Variants in NAV2 observed in about 807,000 individuals in gnomAD.
NAV2 encodes neuron navigator 2.
NAV2 carries 54 observed loss-of-function variants against 223.2 expected under a neutral mutation model. The ratio of observed to expected loss-of-function variants is 0.24; its 90% CI spans 0.19 to 0.30. NAV2 has a LOEUF of 0.30. Among genes scored for constraint, NAV2 ranks in the 10% least tolerant of loss-of-function variants. NAV2 has a pLI of 1.00. For missense variants in NAV2, 2,806 were observed against 3,147.5 expected (o/e 0.89, Z 2.60); for synonymous variants, 1,279 against 1,239.3 (o/e 1.03, Z -0.67).
chr11:19,593,893 G>T (rs756869644), intron 1 of NAV2, among the ~76,000 whole-genome samples: 3 of 152,050 alleles, frequency 2.0e-5, no homozygotes, highest in Non-Finnish European at 2.9e-5. Flanking sequence ...TGGATTGTTT[G>T]TTTTTTAATG....
chr11:19,981,045 T>G (rs780684748), intron 10 of NAV2, among the ~76,000 whole-genome samples: 66 of 152,204 alleles, frequency 4.3e-4, no homozygotes, highest in Non-Finnish European at 7.6e-4. Flanking sequence ...CTGCCCTCCC[T>G]CTACATGCGC....
chr11:19,655,081 G>A (rs1393699826), intron 1 of NAV2, among the ~76,000 whole-genome samples: 1 of 152,178 alleles, frequency 6.6e-6, no homozygotes, highest in African/African-American at 2.4e-5. Context: ...AGTGGGTGAA[G>A]GATATGAACA....
At chr11:19,484,655 A>G (rs1351110547) in intron 1 of NAV2, among the ~76,000 whole-genome samples, 4 of 152,156 alleles carry the variant, frequency 2.6e-5, no homozygotes, top group African/African-American at 9.7e-5. Flanking sequence ...GGCTTTGTCC[A>G]TCTTGACCCA....
intron 11 of NAV2, among the ~76,000 whole-genome samples, chr11:20,007,734 T>A (rs966397475): frequency 6.6e-6 from 1 of 152,152 alleles, no homozygotes; most frequent in African/African-American, 2.4e-5. Flanking sequence ...TGTGAGCTCA[T>A]TGATCAGCAG....
At chr11:19,373,596 C>T (rs1848542993) in intron 1 of NAV2, among the ~76,000 whole-genome samples, 1 of 152,218 alleles carries the variant, frequency 6.6e-6, no homozygotes. Flanking sequence ...ACCCCATCTT[C>T]CACTCTGTAG....
At chr11:19,925,352 A>C (rs80296317) in intron 6 of NAV2, among the ~76,000 whole-genome samples, 1 of 152,198 alleles carries the variant, frequency 6.6e-6, no homozygotes, top group Non-Finnish European at 1.5e-5. Context: ...GACAAATCCA[A>C]AGTCATGAGG....
At chr11:19,723,757 G>A (rs917481699) in intron 1 of NAV2, among the ~76,000 whole-genome samples, 5 of 152,246 alleles carry the variant, frequency 3.3e-5, no homozygotes, top group Non-Finnish European at 5.9e-5. Context: ...CGGCCCAGCA[G>A]GGTCCATGTG....
In NAV2 at chr11:19,998,972, C is replaced by T. The variant is rs753129880; in HGVS notation, c.2768+14725C>T. Among the ~76,000 whole-genome samples the T allele has an allele frequency of 2.6e-5, 4 of 152,246 alleles. No homozygotes were observed. Among genetic ancestry groups the T allele is most frequent in the Non-Finnish European group, 5.9e-5 (4 of 68,048 alleles). On this transcript the variant is annotated intron_variant, in intron 11 of 37. Transcript: ENST00000349880. The surrounding 1 kb of genome is among the most constrained non-coding windows in gnomAD (Gnocchi z 5.0). ...TCAGCTCCGTTTGCAGGTGAATCCCCTCTCCCAGCACAGGGCCCGTCCAGA... is the reference window on the plus strand; with the variant it reads ...TCAGCTCCGTTTGCAGGTGAATCCCTTCTCCCAGCACAGGGCCCGTCCAGA...
chr11:19,629,646 C>T (rs1212706725), intron 1 of NAV2, among the ~76,000 whole-genome samples: 1 of 151,834 alleles, frequency 6.6e-6, no homozygotes, highest in Non-Finnish European at 1.5e-5. Context: ...TGGACAGTTG[C>T]TGGAAACCAA....
At chr11:19,630,132 A>G (rs1359291712) in intron 1 of NAV2, among the ~76,000 whole-genome samples, 1 of 152,176 alleles carries the variant, frequency 6.6e-6, no homozygotes, top group Non-Finnish European at 1.5e-5. Context: ...TAGTATACCC[A>G]GTATACACAG....
intron 36 of NAV2, among the ~76,000 whole-genome samples, chr11:20,113,635 A>G (rs1018380479): frequency 3.3e-5 from 5 of 152,182 alleles, no homozygotes; most frequent in Non-Finnish European, 7.3e-5. Flanking sequence ...CTCTGTTAGC[A>G]ATTTGCTGTT....
At chr11:19,442,122 C>G (rs1159743630) in intron 1 of NAV2, among the ~76,000 whole-genome samples, 1 of 152,234 alleles carries the variant, frequency 6.6e-6, no homozygotes, top group African/African-American at 2.4e-5. Context: ...GAAACAGGGA[C>G]TGCTGTGGCG....
At chr11:20,041,019 C>A (rs1771787142) in intron 12 of NAV2, among the ~76,000 whole-genome samples, 1 of 152,114 alleles carries the variant, frequency 6.6e-6, no homozygotes, top group Non-Finnish European at 1.5e-5. Flanking sequence ...GCCACATTCC[C>A]AGGCCAGGGG....
chr11:19,790,659 G>A (rs994610898), intron 1 of NAV2, among the ~76,000 whole-genome samples: 2 of 152,142 alleles, frequency 1.3e-5, no homozygotes, highest in Non-Finnish European at 2.9e-5. Context: ...CAGAATTGTT[G>A]AATAGATTAG....
At chr11:19,365,038 C>T (rs112001042) in intron 1 of NAV2, among the ~76,000 whole-genome samples, 25 of 152,240 alleles carry the variant, frequency 1.6e-4, no homozygotes, top group African/African-American at 4.8e-4. Flanking sequence ...AAAGAATGAG[C>T]GACAAATGAT....
At chr11:19,699,675 G>T (rs575110385) in intron 1 of NAV2, among the ~76,000 whole-genome samples, 2 of 152,132 alleles carry the variant, frequency 1.3e-5, no homozygotes, top group South Asian at 4.1e-4. Context: ...TTGAATAGAC[G>T]ACTTTGAGAT....
At chr11:19,986,569 G>A (rs1017123801) in intron 11 of NAV2, among the ~76,000 whole-genome samples, 3 of 152,138 alleles carry the variant, frequency 2.0e-5, no homozygotes, top group African/African-American at 4.8e-5. Context: ...GCAATGAGCC[G>A]AGATTGTGCC....
intron 1 of NAV2, among the ~76,000 whole-genome samples, chr11:19,472,497 T>C (rs1026628504): frequency 6.6e-6 from 1 of 152,202 alleles, no homozygotes; most frequent in Non-Finnish European, 1.5e-5. Flanking sequence ...GTAATAATGC[T>C]GTTATTATTG....
intron 1 of NAV2, among the ~76,000 whole-genome samples, chr11:19,763,148 G>T (rs1032005744): frequency 6.6e-6 from 1 of 152,210 alleles, no homozygotes; most frequent in Admixed American, 6.5e-5. Context: ...ATATGTATTT[G>T]TTGGAGAAAT....
Sources: gnomAD v4.1 joint callset for allele counts (sites outside exome capture counted in the v4.1 genomes callset) on GRCh38, gnomAD v4.1.1 for gene constraint, Gnocchi (gnomAD v3.1) non-coding constraint, MANE v1.5 for transcripts, NCBI Gene and HGNC (gene_info 2026-07-23, HGNC 2026-07-21) for gene names.